B3GALT1: variants seen among roughly 807,000 people sequenced by gnomAD.
B3GALT1 encodes the protein beta-1,3-galactosyltransferase 1, also known as UDP-Gal:betaGlcNAc beta 1,3-galactosyltransferase, polypeptide 1.
A neutral mutation model predicts 23.2 loss-of-function variants in B3GALT1; 10 were observed. The ratio of observed to expected loss-of-function variants is 0.43; its 90% CI spans 0.27 to 0.73. The LOEUF (loss-of-function observed/expected upper bound fraction) is 0.73, where lower values mean the gene tolerates loss of function less well. B3GALT1 is among the 30% of genes least tolerant of loss of function. The probability of loss-of-function intolerance (pLI) is 0.21; values close to 1 mark genes in which losing one functional copy is unlikely to be tolerated. For synonymous variants in B3GALT1, 156 were observed against 141.5 expected (o/e 1.10, Z -0.73); for missense variants, 299 against 405.4 (o/e 0.74, Z 2.25).
intron 2 of B3GALT1, among the ~76,000 whole-genome samples, chr2:167,523,414 T>C (rs1230415959): frequency 6.8e-6 from 1 of 147,844 alleles, no homozygotes; most frequent in Non-Finnish European, 1.5e-5. Flanking sequence ...ATCAAAAGTT[T>C]CTTGTGTATC....
At chr2:167,625,219 G>T (rs1472016915) in intron 2 of B3GALT1, among the ~76,000 whole-genome samples, 1 of 151,572 alleles carries the variant, frequency 6.6e-6, no homozygotes, top group East Asian at 1.9e-4. Context: ...TGTGCTTTTT[G>T]ATTTTTAAAA....
intron 2 of B3GALT1, among the ~76,000 whole-genome samples, chr2:167,587,652 C>T (rs1192792306): frequency 2.6e-5 from 4 of 152,174 alleles, no homozygotes; most frequent in African/African-American, 9.7e-5. Flanking sequence ...ATTTTCTTTA[C>T]TTCACAAGAT....
chr2:167,653,457 T>G (rs1232129906), intron 3 of B3GALT1, among the ~76,000 whole-genome samples: 1 of 152,172 alleles, frequency 6.6e-6, no homozygotes, highest in Admixed American at 6.5e-5. Flanking sequence ...ATAAGTAGCT[T>G]CACTCCAAGC....
At position 167,794,379 on chromosome 2, in the gene B3GALT1, AG is replaced by A. The variant is rs577355817; in HGVS notation, c.-351-24292del. Among the ~76,000 whole-genome samples the A allele has an allele frequency of 5.9e-3, 900 of 152,358 alleles. 5 individuals carry two copies. The highest frequency in any genetic ancestry group is 0.01 in the Non-Finnish European group (693 of 68,034). On this transcript the variant is annotated intron_variant, in intron 3 of 4. Transcript: ENST00000392690. ...ATGTTGCTTTAGTTCAGGAAGTAAA[AG>A]AATAAAATTCTTTCTGTTGATTTAC...
intron 4 of B3GALT1, among the ~76,000 whole-genome samples, chr2:167,835,346 G>A (rs866944366): frequency 1.2e-4 from 19 of 152,190 alleles, no homozygotes; most frequent in South Asian, 4.1e-4. Context: ...GTGCTTTTCC[G>A]ACGGGCTTAA....
intron 3 of B3GALT1, among the ~76,000 whole-genome samples, chr2:167,784,318 A>G (rs1340708818): frequency 1.3e-5 from 2 of 151,942 alleles, no homozygotes; most frequent in Admixed American, 6.6e-5. Context: ...TCCACAGACC[A>G]TTGTTTTTGT....
At chr2:167,826,688 T>C (rs1298204642) in intron 4 of B3GALT1, among the ~76,000 whole-genome samples, 1 of 152,148 alleles carries the variant, frequency 6.6e-6, no homozygotes, top group Non-Finnish European at 1.5e-5. Context: ...TATCCACAGG[T>C]TCCACATCTG....
chr2:167,829,001 G>A (rs1241852347), intron 4 of B3GALT1, among the ~76,000 whole-genome samples: 3 of 152,088 alleles, frequency 2.0e-5, no homozygotes, highest in Non-Finnish European at 4.4e-5. Context: ...AGAGAGAAAC[G>A]TTTACCAAAA....
At chr2:167,504,641 T>A (rs1373966636) in intron 2 of B3GALT1, among the ~76,000 whole-genome samples, 1 of 146,100 alleles carries the variant, frequency 6.8e-6, no homozygotes, top group Admixed American at 7.0e-5. Context: ...AACACAGTCA[T>A]ACACTGCATG....
chr2:167,873,742 A>G lies in B3GALT1; in HGVS notation c.*3722A>G, dbSNP rs762375571. 6.6e-6 allele frequency: 1 copy of G among 152,248 alleles called. No homozygotes were observed. The highest frequency in any genetic ancestry group is 1.5e-5 in the Non-Finnish European group (1 of 68,042). The allele number at this position is 152,248 out of a possible 1,614,324, so 9.4% of individuals were successfully genotyped here. A position where few individuals can be genotyped will look rare whatever the true frequency, so the allele number is the denominator to read the frequency against. Reference sequence around the variant, plus strand: ...GTATTTATTTGTCAAAATTGTACATACTGTTTCGCCAAAAGTAATTGTCTG... The same window carrying G: ...GTATTTATTTGTCAAAATTGTACATGCTGTTTCGCCAAAAGTAATTGTCTG... On this transcript the variant is annotated 3_prime_UTR_variant, in exon 5 of 5. Transcript: ENST00000392690.
At chr2:167,424,369 T>C (rs1698591884) in intron 1 of B3GALT1, among the ~76,000 whole-genome samples, 1 of 152,120 alleles carries the variant, frequency 6.6e-6, no homozygotes, top group Non-Finnish European at 1.5e-5. Context: ...ATAATGTAAT[T>C]TGAGATCAGT....
At chr2:167,663,541 C>T (rs1396016967) in intron 3 of B3GALT1, among the ~76,000 whole-genome samples, 1 of 151,906 alleles carries the variant, frequency 6.6e-6, no homozygotes, top group Non-Finnish European at 1.5e-5. Context: ...GCCACACTGA[C>T]TTCCACAATG....
chr2:167,347,074 A>G (rs910504406), intron 1 of B3GALT1, among the ~76,000 whole-genome samples: 2 of 152,206 alleles, frequency 1.3e-5, no homozygotes, highest in Non-Finnish European at 2.9e-5. Flanking sequence ...CTCTGTAGTT[A>G]TCACCAACTA....
chr2:167,537,353 G>C (rs1444753997), intron 2 of B3GALT1, among the ~76,000 whole-genome samples: 12 of 152,014 alleles, frequency 7.9e-5, no homozygotes, highest in Non-Finnish European at 1.5e-5. Flanking sequence ...GTGAGATTTG[G>C]GTGGGGACAC....
chr2:167,485,039 C>T (rs1384019779), intron 1 of B3GALT1, among the ~76,000 whole-genome samples: 1 of 151,952 alleles, frequency 6.6e-6, no homozygotes, highest in Non-Finnish European at 1.5e-5. Flanking sequence ...GCCTGAATTC[C>T]AAAGGGAAGA....
chr2:167,708,836 GGAGA>G (rs1408575722), intron 3 of B3GALT1, among the ~76,000 whole-genome samples: 3 of 152,094 alleles, frequency 2.0e-5, no homozygotes, highest in East Asian at 3.9e-4. Flanking sequence ...CAAGAGGAAT[GGAGA>G]GAGAGAGATT....
At chr2:167,777,296 G>A (rs973441056) in intron 3 of B3GALT1, among the ~76,000 whole-genome samples, 1 of 152,150 alleles carries the variant, frequency 6.6e-6, no homozygotes, top group African/African-American at 2.4e-5. Flanking sequence ...TCATTATGAA[G>A]CATCATAGTC....
intron 3 of B3GALT1, among the ~76,000 whole-genome samples, chr2:167,737,347 G>A (rs150412172): frequency 2.0e-5 from 3 of 152,216 alleles, no homozygotes. Context: ...AGGTGTTTCT[G>A]ACTACAAAGC....
At position 167,390,187 on chromosome 2, in the gene B3GALT1, T is replaced by A. The variant is rs79370579; in HGVS notation, c.-511+96853T>A. Among the ~76,000 whole-genome samples, 232 of 152,274 alleles carry A rather than the reference T, an allele frequency of 1.5e-3. 1 individual carries two copies. Among genetic ancestry groups the A allele is most frequent in the African/African-American group, 5.4e-3 (224 of 41,554 alleles). On this transcript the variant is annotated intron_variant, in intron 1 of 4. Coordinates refer to ENST00000392690, the MANE Select transcript of B3GALT1 (RefSeq NM_020981.4). ...ATCTGAGAGGCTGAATCCAGAGCCA[T>A]GTGCAAGTGGGGTTAAATCATTGAT...
Sources: allele counts gnomAD v4.1 joint callset (sites outside exome capture counted in the v4.1 genomes callset), GRCh38; gene constraint gnomAD v4.1.1; transcripts MANE v1.5; gene names NCBI Gene and HGNC (gene_info 2026-07-23, HGNC 2026-07-21).